RHBDD1: variants seen among roughly 807,000 people sequenced by gnomAD.
The protein encoded by RHBDD1 is rhomboid-related protein 4.
A neutral mutation model predicts 36.3 loss-of-function variants in RHBDD1; 38 were observed. That is an observed-to-expected ratio of 1.05 (90% CI 0.81 to 1.37). The LOEUF is 1.37. RHBDD1 is among the 40% of genes most tolerant of loss of function. The probability of loss-of-function intolerance (pLI) is 0.00; values close to 1 mark genes in which losing one functional copy is unlikely to be tolerated. For missense variants in RHBDD1, 393 were observed against 377.6 expected, an observed-to-expected ratio of 1.04 and a Z score of -0.34; for synonymous variants, 151 against 136.5, an observed-to-expected ratio of 1.11 and a Z score of -0.74.
At chr2:226,984,412 A>G (rs1379195282) in intron 8 of RHBDD1, among the ~76,000 whole-genome samples, 1 of 152,200 alleles carries the variant, frequency 6.6e-6, no homozygotes, top group Non-Finnish European at 1.5e-5. Context: ...CAGAGAGTGC[A>G]AGCTCTGGCC....
intron 5 of RHBDD1, among the ~76,000 whole-genome samples, chr2:226,873,507 C>T (rs1489866069): frequency 6.6e-6 from 1 of 152,110 alleles, no homozygotes; most frequent in Admixed American, 6.5e-5. Context: ...TGAATGAGCC[C>T]AGGCAAGTGA....
At chr2:226,823,863 C>A in the RHBDD1 span, among the ~76,000 whole-genome samples, 1 of 152,208 alleles carries the variant, frequency 6.6e-6, no homozygotes, top group Non-Finnish European at 1.5e-5. Context: ...CAAGAGACGG[C>A]AAGATGGGGC....
In RHBDD1 at chr2:226,922,582, C is replaced by G. The variant is rs1949403253; in HGVS notation, c.856+8231C>G. 2.0e-5 allele frequency among the ~76,000 whole-genome samples: 3 copies of G among 152,014 alleles called. No individual in the cohort carries two copies. In the South Asian group the frequency reaches 6.2e-4, roughly 31 times the overall value. On this transcript the variant is annotated intron_variant, in intron 8 of 8. Transcript: ENST00000392062. ...CAGATCATTGGACCTTATATTCATT[C>G]TATTCTGTGTCATTTAGTCTTTTTT...
intron 8 of RHBDD1, among the ~76,000 whole-genome samples, chr2:226,986,235 C>G (rs1359206106): frequency 6.6e-6 from 1 of 152,102 alleles, no homozygotes. Flanking sequence ...ACTAAGGAGA[C>G]TTGGTAACAA....
At chr2:226,969,697 G>A (rs1395761371) in intron 8 of RHBDD1, among the ~76,000 whole-genome samples, 1 of 152,156 alleles carries the variant, frequency 6.6e-6, no homozygotes, top group Non-Finnish European at 1.5e-5. Flanking sequence ...TATGCATTTT[G>A]AAGGAAATGT....
chr2:226,813,670 G>A, the RHBDD1 span, among the ~76,000 whole-genome samples: 1 of 152,316 alleles, frequency 6.6e-6, no homozygotes, highest in African/African-American at 2.4e-5. Flanking sequence ...AATAAGATAG[G>A]AATAGTAATA....
At chr2:226,904,217 G>A (rs1391148896) in intron 5 of RHBDD1, among the ~76,000 whole-genome samples, 1 of 152,172 alleles carries the variant, frequency 6.6e-6, no homozygotes, top group Non-Finnish European at 1.5e-5. Flanking sequence ...GGTTAAAAGA[G>A]CGCACTGTAA....
At chr2:226,888,739 G>C (rs770033440) in intron 5 of RHBDD1, among the ~76,000 whole-genome samples, 3 of 152,074 alleles carry the variant, frequency 2.0e-5, no homozygotes, top group Non-Finnish European at 4.4e-5. Context: ...TTTTTCTAAA[G>C]GGAGACACAT....
At position 226,998,504 on chromosome 2, in the gene RHBDD1, A is replaced by G. The variant is rs777505102; in HGVS notation, c.*2982A>G. ...AGTATTCAGTAAAGAATAGCATTCA[A>G]TTAGTCAAAAAATATATATATAACT... On this transcript the variant is annotated 3_prime_UTR_variant, in exon 9 of 9. Transcript: ENST00000392062. 6.6e-5 allele frequency: 10 copies of G among 152,200 alleles called. No individual in the cohort carries two copies. Among genetic ancestry groups the G allele is most frequent in the African/African-American group, 1.7e-4 (7 of 41,454 alleles). The allele number at this position is 152,200 out of a possible 1,614,324, so 9.4% of individuals were successfully genotyped here.
chr2:226,895,148 A>G (rs550217964), intron 5 of RHBDD1, among the ~76,000 whole-genome samples: 4 of 152,358 alleles, frequency 2.6e-5, no homozygotes, highest in Admixed American at 2.0e-4. Flanking sequence ...CTTCTGGGCT[A>G]GGATCAGGTT....
chr2:226,926,657 CTG>C (rs1949690427), intron 8 of RHBDD1, among the ~76,000 whole-genome samples: 1 of 152,170 alleles, frequency 6.6e-6, no homozygotes, highest in Non-Finnish European at 1.5e-5. Context: ...AGGAGATACA[CTG>C]TGTCAAGCCA....
chr2:226,923,184 T>G (rs1255471195), intron 8 of RHBDD1, among the ~76,000 whole-genome samples: 9 of 152,216 alleles, frequency 5.9e-5, no homozygotes, highest in Admixed American at 5.9e-4. Context: ...AGAACTCCCT[T>G]TAGCATTTCT....
Position 226,996,820 on chromosome 2 carries a change from T to C in RHBDD1, c.*1298T>C, listed in dbSNP as rs895424902. Reference sequence around the variant, plus strand: ...TTACTTTTACAATCAGGAAAACATATTTAATAACATATAGTCAAGAAAACA... The same window carrying C: ...TTACTTTTACAATCAGGAAAACATACTTAATAACATATAGTCAAGAAAACA... On this transcript the variant is annotated 3_prime_UTR_variant, in exon 9 of 9. Coordinates refer to ENST00000392062, the MANE Select transcript of RHBDD1 (RefSeq NM_001167608.3). The C allele has an allele frequency of 6.6e-5, 10 of 152,346 alleles. 1 individual carries two copies. The South Asian group carries it at 2.1e-3, about 32-fold the overall frequency. 9.4% of individuals were successfully genotyped at this position (152,346 alleles called of 1,614,324 possible).
intron 8 of RHBDD1, among the ~76,000 whole-genome samples, chr2:226,915,064 A>G (rs1173399323): frequency 6.6e-6 from 1 of 152,132 alleles, no homozygotes; most frequent in Non-Finnish European, 1.5e-5. Flanking sequence ...GTTGGAAACT[A>G]CCCTCAAAAA....
chr2:226,814,139 A>G, the RHBDD1 span, among the ~76,000 whole-genome samples: 3 of 152,202 alleles, frequency 2.0e-5, no homozygotes, highest in African/African-American at 4.8e-5. Context: ...GAGAAAAGTC[A>G]TGAAGGAAAG....
At chr2:226,848,741 ACT>A (rs949948039) in intron 3 of RHBDD1, among the ~76,000 whole-genome samples, 1 of 151,904 alleles carries the variant, frequency 6.6e-6, no homozygotes. Flanking sequence ...AGAATTAAGA[ACT>A]CTTTTCTGCA....
At chr2:226,949,831 C>T (rs1480436595) in intron 8 of RHBDD1, among the ~76,000 whole-genome samples, 1 of 152,098 alleles carries the variant, frequency 6.6e-6, no homozygotes, top group African/African-American at 2.4e-5. Flanking sequence ...CCTCTGTGCA[C>T]GTGTCCTTGG....
chr2:226,945,240 A>ATGC (rs1950902497), intron 8 of RHBDD1, among the ~76,000 whole-genome samples: 1 of 151,632 alleles, frequency 6.6e-6, no homozygotes, highest in Non-Finnish European at 1.5e-5. Context: ...TACATGTGCC[A>ATGC]TGGTGCTTTG....
intron 3 of RHBDD1, among the ~76,000 whole-genome samples, chr2:226,847,607 G>T (rs1942359285): frequency 6.6e-6 from 1 of 152,190 alleles, no homozygotes; most frequent in Non-Finnish European, 1.5e-5. Flanking sequence ...TTCTAGCTCT[G>T]ATGAGATTTT....
Sources: gnomAD v4.1 joint callset for allele counts (sites outside exome capture counted in the v4.1 genomes callset) on GRCh38, gnomAD v4.1.1 for gene constraint, MANE v1.5 for transcripts, NCBI Gene and HGNC (gene_info 2026-07-23, HGNC 2026-07-21) for gene names.